The following IL17RA variants were observed in gnomAD, a reference collection of about 807,000 sequenced individuals.
IL17RA encodes the protein interleukin-17 receptor A.
A neutral mutation model predicts 50.4 loss-of-function variants in IL17RA; 34 were observed. That is an observed-to-expected ratio of 0.67 (90% CI 0.51 to 0.90). IL17RA has a LOEUF of 0.90. IL17RA is among the 40% of genes least tolerant of loss of function. IL17RA has a pLI of 0.00. For synonymous variants in IL17RA, 585 were observed against 510.4 expected (o/e 1.15, Z -1.97); for missense variants, 1,276 against 1,169.8 (o/e 1.09, Z -1.32).
At position 17,105,715 on chromosome 22, in the gene IL17RA, C is replaced by G. The variant is rs560126106; in HGVS notation, c.943+113C>G. On this transcript the variant is annotated intron_variant, in intron 10 of 12. Transcript: ENST00000319363. ...AGACAAGGCTGAACCGAGGCCAGCC[C>G]GGGGTGGGGGGTGAGACCATGGTTT... 63 of 1,300,990 alleles carry G rather than the reference C, an allele frequency of 4.8e-5. No individual in the cohort carries two copies. In the Admixed American group the frequency reaches 8.6e-4, roughly 18 times the overall value. The allele number at this position is 1,300,990 out of a possible 1,614,324, so 80.6% of individuals were successfully genotyped here. A position where few individuals can be genotyped will look rare whatever the true frequency, so the allele number is the denominator to read the frequency against.
At position 17,109,901 on chromosome 22, in the gene IL17RA, T is replaced by A; in HGVS notation, c.*81T>A. On this transcript the variant is annotated 3_prime_UTR_variant, in exon 13 of 13. Transcript: ENST00000319363. ...ACGTATTCATCTGTGTGTACATGTC[T>A]GCATGTGTATATGTTCGTGTGTGAA... is the stretch of plus-strand genomic sequence containing the variant. The A allele has an allele frequency of 2.4e-6, 3 of 1,242,168 alleles. No homozygotes were observed. Among genetic ancestry groups the A allele is most frequent in the Non-Finnish European group, 3.4e-6 (3 of 886,366 alleles). The allele number at this position is 1,242,168 out of a possible 1,614,324, so 76.9% of individuals were successfully genotyped here. A position where few individuals can be genotyped will look rare whatever the true frequency, so the allele number is the denominator to read the frequency against.
Position 17,108,565 on chromosome 22 carries a change from G to A in IL17RA, c.1346G>A (p.Arg449His), listed in dbSNP as rs1487564476. The change falls in exon 13 of 13, where the codon CGC becomes CAC. Residue 449 changes from arginine (R) to histidine (H), a missense_variant. Arg to His is a conservative substitution (Grantham distance 29, BLOSUM62 0). Transcript: ENST00000319363. ...SNSKIIVLCS[R>H]GTRAKWQALL... The stretch of plus-strand genomic sequence containing the variant: ...TCTAAGATCATCGTCCTGTGCTCCC[G>A]CGGCACGCGCGCCAAGTGGCAGGCG... The A allele has an allele frequency of 3.7e-6, 6 of 1,606,970 alleles. No homozygotes were observed. The Admixed American group carries it at 6.7e-5, about 18-fold the overall frequency.
At chr22:17,102,390 G>A (rs958771050) in intron 7 of IL17RA, 88 bp downstream of exon 7, 56 of 1,470,958 alleles carry the variant, frequency 3.8e-5, no homozygotes, top group African/African-American at 1.2e-4. Flanking sequence ...TGACAGAACC[G>A]CGTTGCTAGA....
At chr22:17,094,693 A>ATATATATATATATATGTG (rs2061362100) in intron 1 of IL17RA, among the ~76,000 whole-genome samples, 11 of 45,264 alleles carry the variant, frequency 2.4e-4, no homozygotes, top group Non-Finnish European at 4.2e-4. Flanking sequence ...CTCTCTCTCT[A>ATATATATATATATATGTG]TATATATATA....
chr22:17,109,246 C>T lies in IL17RA; in HGVS notation c.2027C>T (p.Ala676Val), dbSNP rs981571386. The T allele has an allele frequency of 1.3e-6, 2 of 1,490,762 alleles. No homozygotes were observed. The allele number at this position is 1,490,762 out of a possible 1,614,324, so 92.3% of individuals were successfully genotyped here. The change falls in exon 13 of 13, where the codon GCC becomes GTC. Residue 676 changes from alanine (A) to valine (V), a missense_variant. Transcript: ENST00000319363. The stretch of plus-strand genomic sequence containing the variant: ...CTGGTGCTCGCCGCAGAGGAGGGGG[C>T]CCTGGTGGCCGCGGTGGAGCCTGGG... ...HTLVLAAEEGALVAAVEPGPL... is the reference protein window; with the variant it reads ...HTLVLAAEEGVLVAAVEPGPL...
In IL17RA at chr22:17,109,083, C is replaced by G; in HGVS notation, c.1864C>G (p.Pro622Ala). The G allele has an allele frequency of 6.4e-7, 1 of 1,573,744 alleles. No homozygotes were observed. The highest frequency in any genetic ancestry group is 8.6e-7 in the Non-Finnish European group (1 of 1,168,490). Residue 622 changes from proline to alanine, a missense_variant, in exon 13 of 13, where the codon CCC becomes GCC. Transcript: ENST00000319363. ...GGGAACCGGCATCGTGAAGCGGGCG[C>G]CCCTGGTGCGCGAGCCTGGCTCCCA... Reference protein sequence around the residue: ...PPGTGIVKRAPLVREPGSQAC... With the variant: ...PPGTGIVKRAALVREPGSQAC...
chr22:17,092,195 G>A (rs1283422643), intron 1 of IL17RA, among the ~76,000 whole-genome samples: 6 of 152,172 alleles, frequency 3.9e-5, no homozygotes, highest in Non-Finnish European at 8.8e-5. Flanking sequence ...TCCAGGTAGT[G>A]GAACATGTGG....
rs1449333436 is a variant in IL17RA at position 17,108,849 on chromosome 22, C to T, written c.1630C>T (p.Pro544Ser). ...FRIQDLEMFQPGRMHRVGELS... is the reference protein window; with the variant it reads ...FRIQDLEMFQSGRMHRVGELS... ...CATCCAGGACCTGGAGATGTTCCAG[C>T]CGGGCCGCATGCACCGCGTAGGGGA... The change falls in exon 13 of 13, where the codon CCG becomes TCG. Residue 544 changes from proline to serine, a missense_variant. Pro to Ser is a moderately conservative substitution (Grantham distance 74). Transcript: ENST00000319363. 34 of 1,608,062 alleles carry T rather than the reference C, an allele frequency of 2.1e-5. No homozygotes were observed. Among genetic ancestry groups the T allele is most frequent in the Non-Finnish European group, 2.9e-5 (34 of 1,177,580 alleles).
At chr22:17,100,119 C>G (rs1251316544) in intron 4 of IL17RA, among the ~76,000 whole-genome samples, 2 of 139,050 alleles carry the variant, frequency 1.4e-5, no homozygotes, top group Admixed American at 1.7e-4. Flanking sequence ...TCACTGTCTA[C>G]TGATGAGGCC....
At chr22:17,089,503 C>T (rs1304233646) in intron 1 of IL17RA, among the ~76,000 whole-genome samples, 1 of 152,126 alleles carries the variant, frequency 6.6e-6, no homozygotes, top group Admixed American at 6.6e-5. Flanking sequence ...TCATGACAAT[C>T]CCCCCTCTGA....
intron 2 of IL17RA, 88 bp downstream of exon 2, chr22:17,097,174 C>A: frequency 7.8e-7 from 1 of 1,284,376 alleles, no homozygotes; most frequent in Non-Finnish European, 1.1e-6. Flanking sequence ...TCTTGCCATG[C>A]CACTCCAGGT....
In IL17RA at chr22:17,111,840, G is replaced by A. The variant is rs2061444340; in HGVS notation, c.*2020G>A. On this transcript the variant is annotated 3_prime_UTR_variant, in exon 13 of 13. Transcript: ENST00000319363. The stretch of plus-strand genomic sequence containing the variant: ...GGTCGAGCCACTTACTGTAGGTCAA[G>A]AAGTTGCTAGTTGCGGAGTTTTTTC... 1 of 152,224 alleles carries A rather than the reference G, an allele frequency of 6.6e-6. No individual in the cohort carries two copies. The allele number at this position is 152,224 out of a possible 1,614,324, so 9.4% of individuals were successfully genotyped here.
chr22:17,104,881 G>A (rs1338783641), intron 9 of IL17RA, 71 bp downstream of exon 9: 37 of 1,420,618 alleles, frequency 2.6e-5, no homozygotes, highest in Admixed American at 1.2e-4. Context: ...CCTGTGCTGC[G>A]TCCTTACCTG....
Position 17,108,521 on chromosome 22 carries a change from G to C in IL17RA, c.1302G>C (p.Gln434His). 6.2e-7 allele frequency: 1 copy of C among 1,611,428 alleles called. No homozygotes were observed. Among genetic ancestry groups the C allele is most frequent in the Non-Finnish European group, 8.5e-7 (1 of 1,180,010 alleles). ...TGACCTGGGTGGGCCGTCAGAAGCA[G>C]GAGATGGTGGAGAGCAACTCTAAGA... is the stretch of plus-strand genomic sequence containing the variant. ...GVMTWVGRQK[Q>H]EMVESNSKII... Residue 434 changes from glutamine to histidine, a missense_variant, in exon 13 of 13, where the codon CAG (glutamine) becomes CAC (histidine). By Grantham distance (24) the Gln-to-His change is conservative (BLOSUM62 0). Transcript: ENST00000319363.
chr22:17,105,470 T>TAG (rs2061410218), intron 9 of IL17RA, 121 bp from the exon 10 acceptor site: 1 of 957,064 alleles, frequency 1.0e-6, no homozygotes, highest in Admixed American at 1.7e-5. Context: ...AACCTGGATC[T>TAG]AGAGTGCCTG....
rs1268597833 is a variant in IL17RA at position 17,113,145 on chromosome 22, C to A, written c.*3325C>A. 1.3e-5 allele frequency: 2 copies of A among 152,096 alleles called. No individual in the cohort carries two copies. The highest frequency in any genetic ancestry group is 1.3e-4 in the Admixed American group (2 of 15,252). The allele number at this position is 152,096 out of a possible 1,614,324, so 9.4% of individuals were successfully genotyped here. A position where few individuals can be genotyped will look rare whatever the true frequency, so the allele number is the denominator to read the frequency against. ...CATTCAGCAGTTTGAGCTGGGATCTCTGAATGCAAGGGTATGATGGATATA... is the reference window on the plus strand; with the variant it reads ...CATTCAGCAGTTTGAGCTGGGATCTATGAATGCAAGGGTATGATGGATATA... On this transcript the variant is annotated 3_prime_UTR_variant, in exon 13 of 13. Coordinates refer to ENST00000319363, the MANE Select transcript of IL17RA (RefSeq NM_014339.7).
At chr22:17,098,429 C>T (rs1361341602) in intron 3 of IL17RA, among the ~76,000 whole-genome samples, 2 of 152,170 alleles carry the variant, frequency 1.3e-5, no homozygotes, top group Non-Finnish European at 1.5e-5. Context: ...TGGAAGTCCC[C>T]GCCCTCAGTG....
At position 17,114,961 on chromosome 22, in the gene IL17RA, A is replaced by G. The variant is rs2061461125; in HGVS notation, c.*5141A>G. Reference sequence around the variant, plus strand: ...CGAGGGAAGGGGCAGAGGGCCTGACAGTCAACCACGCGCTATATTTTCCTG... The same window carrying G: ...CGAGGGAAGGGGCAGAGGGCCTGACGGTCAACCACGCGCTATATTTTCCTG... On this transcript the variant is annotated 3_prime_UTR_variant, in exon 13 of 13. Coordinates refer to ENST00000319363, the MANE Select transcript of IL17RA (RefSeq NM_014339.7). 2.6e-5 allele frequency: 4 copies of G among 152,296 alleles called. No homozygotes were observed. In the South Asian group the frequency reaches 8.3e-4, roughly 31 times the overall value. 9.4% of individuals were successfully genotyped at this position (152,296 alleles called of 1,614,324 possible).
chr22:17,110,233 C>T lies in IL17RA; in HGVS notation c.*413C>T. The T allele has an allele frequency of 6.9e-6, 2 of 289,034 alleles. No individual in the cohort carries two copies. Among genetic ancestry groups the T allele is most frequent in the Non-Finnish European group, 6.7e-6 (1 of 149,298 alleles). 17.9% of individuals were successfully genotyped at this position (289,034 alleles called of 1,614,324 possible). Reference sequence around the variant, plus strand: ...ACAGGATGGGCCGGGCACGGTGGCTCACGCCTGTAATCCCAGCACACTGGG... The same window carrying T: ...ACAGGATGGGCCGGGCACGGTGGCTTACGCCTGTAATCCCAGCACACTGGG... On this transcript the variant is annotated 3_prime_UTR_variant, in exon 13 of 13. Coordinates refer to ENST00000319363, the MANE Select transcript of IL17RA (RefSeq NM_014339.7).
Sources: gnomAD v4.1 joint callset for allele counts (sites outside exome capture counted in the v4.1 genomes callset) on GRCh38, gnomAD v4.1.1 for gene constraint, MANE v1.5 for transcripts, NCBI Gene and HGNC (gene_info 2026-07-23, HGNC 2026-07-21) for gene names.